Variants in LAMA2 observed in about 807,000 individuals in gnomAD.
LAMA2 encodes the protein laminin subunit alpha 2, also known as laminin subunit alpha-2.
In LAMA2, 269 loss-of-function variants were observed where a neutral mutation model predicts 364.8. The observed-to-expected ratio is 0.74, with a 90% CI of 0.67 to 0.82. The LOEUF (loss-of-function observed/expected upper bound fraction) is 0.82. Among genes scored for constraint, LAMA2 ranks in the 40% least tolerant of loss-of-function variants. The pLI is 0.00. For synonymous variants in LAMA2, 1,379 were observed against 1,370.6 expected (o/e 1.01, Z -0.14); for missense variants, 3,807 against 3,873.2 (o/e 0.98, Z 0.45).
chr6:129,180,983 T>G (rs144311518), intron 10 of LAMA2, among the ~76,000 whole-genome samples: 1,581 of 152,160 alleles, frequency 0.01, 16 homozygotes, highest in Middle Eastern at 0.034. Flanking sequence ...CTAGAAATGC[T>G]TTCAGACAGT....
At chr6:129,073,720 T>G (rs4397250) in intron 3 of LAMA2, among the ~76,000 whole-genome samples, 1 of 152,102 alleles carries the variant, frequency 6.6e-6, no homozygotes, top group South Asian at 2.1e-4. Flanking sequence ...AGAATATCCA[T>G]TTGATACTTT....
At chr6:129,186,328 G>A (rs1781230058) in intron 10 of LAMA2, among the ~76,000 whole-genome samples, 1 of 151,636 alleles carries the variant, frequency 6.6e-6, no homozygotes, top group Non-Finnish European at 1.5e-5. Flanking sequence ...CAGTCTGGAA[G>A]GTACAAAACT....
chr6:129,305,042 G>C (rs1453325061), intron 22 of LAMA2, among the ~76,000 whole-genome samples: 1 of 152,060 alleles, frequency 6.6e-6, no homozygotes, highest in East Asian at 1.9e-4. Context: ...CTATAACTTT[G>C]TCCGTTTCTT....
chr6:129,504,589 C>T (rs1335090089), intron 60 of LAMA2, among the ~76,000 whole-genome samples: 1 of 152,134 alleles, frequency 6.6e-6, no homozygotes, highest in Non-Finnish European at 1.5e-5. Context: ...AGTCTTTACA[C>T]CCCTTATTTC....
intron 12 of LAMA2, among the ~76,000 whole-genome samples, chr6:129,201,971 C>T (rs1227957541): frequency 2.0e-5 from 3 of 151,878 alleles, no homozygotes; most frequent in Admixed American, 6.6e-5. Flanking sequence ...AGGTGGATCA[C>T]GAGGTCAGGA....
intron 30 of LAMA2, among the ~76,000 whole-genome samples, chr6:129,343,350 G>A (rs930679584): frequency 2.6e-5 from 4 of 151,940 alleles, no homozygotes; most frequent in Admixed American, 1.3e-4. Context: ...CTTAATCTTC[G>A]GCTTTGTGTG....
At chr6:128,927,287 A>T (rs1281573590) in intron 1 of LAMA2, among the ~76,000 whole-genome samples, 1 of 152,182 alleles carries the variant, frequency 6.6e-6, no homozygotes, top group East Asian at 1.9e-4. Context: ...CATAACAAAA[A>T]TGTCATGAGA....
chr6:129,131,007 TAAGA>T (rs1777441197), intron 4 of LAMA2, among the ~76,000 whole-genome samples: 1 of 152,164 alleles, frequency 6.6e-6, no homozygotes. Context: ...TTCTTTTTGC[TAAGA>T]AAGAACGGTT....
chr6:129,243,434 A>G (rs572623214), intron 12 of LAMA2, among the ~76,000 whole-genome samples: 2 of 152,208 alleles, frequency 1.3e-5, no homozygotes, highest in South Asian at 2.1e-4. Context: ...AACACTGTAT[A>G]TAAATATTGT....
chr6:129,308,346 T>C (rs1447693185), intron 22 of LAMA2, among the ~76,000 whole-genome samples: 1 of 152,178 alleles, frequency 6.6e-6, no homozygotes, highest in African/African-American at 2.4e-5. Context: ...GAGTAAGCCC[T>C]AGGGAAACTT....
At chr6:129,326,122 G>A (rs1775263779) in intron 28 of LAMA2, among the ~76,000 whole-genome samples, 4 of 152,212 alleles carry the variant, frequency 2.6e-5, no homozygotes, top group Non-Finnish European at 5.9e-5. Context: ...TTACAGGCGT[G>A]AGCCACCATG....
intron 1 of LAMA2, among the ~76,000 whole-genome samples, chr6:128,992,116 G>T (rs1783645475): frequency 6.6e-6 from 1 of 152,176 alleles, no homozygotes; most frequent in Admixed American, 6.5e-5. Flanking sequence ...TTCAGTTTCA[G>T]ACATTTGTGA....
intron 9 of LAMA2, among the ~76,000 whole-genome samples, chr6:129,170,566 G>A: frequency 7.3e-6 from 1 of 137,904 alleles, no homozygotes; most frequent in Admixed American, 7.1e-5. Context: ...ATTTGCTGAG[G>A]AGAGCTTTAC....
chr6:129,255,325 G>C (rs576126668), intron 14 of LAMA2, among the ~76,000 whole-genome samples: 20 of 137,930 alleles, frequency 1.5e-4, no homozygotes, highest in Non-Finnish European at 2.9e-4. Flanking sequence ...AGAATCACTT[G>C]AACCCGGGAT....
chr6:129,419,419 CT>C (rs1201328478), intron 40 of LAMA2, among the ~76,000 whole-genome samples: 3 of 152,106 alleles, frequency 2.0e-5, no homozygotes, highest in African/African-American at 7.3e-5. Context: ...TGGTATCTAA[CT>C]TAATAGACAC....
At chr6:129,371,633 G>A (rs1479065470) in intron 34 of LAMA2, among the ~76,000 whole-genome samples, 2 of 143,656 alleles carry the variant, frequency 1.4e-5, no homozygotes, top group African/African-American at 5.1e-5. Context: ...TTGAGACAGA[G>A]TCTTGCTCTG....
chr6:129,195,472 T>C (rs968414263), intron 12 of LAMA2, among the ~76,000 whole-genome samples: 7 of 152,206 alleles, frequency 4.6e-5, no homozygotes, highest in African/African-American at 1.4e-4. Context: ...TATAAGTGTA[T>C]GTGTGGATAA....
At chr6:129,425,770 G>A (rs1229969309) in intron 40 of LAMA2, among the ~76,000 whole-genome samples, 2 of 151,894 alleles carry the variant, frequency 1.3e-5, no homozygotes, top group African/African-American at 2.4e-5. Context: ...GATTGCATTC[G>A]TTTTATGACT....
intron 1 of LAMA2, among the ~76,000 whole-genome samples, chr6:128,960,785 A>G (rs768334114): frequency 3.3e-5 from 5 of 152,112 alleles, no homozygotes; most frequent in South Asian, 2.1e-4. Context: ...TGCTTTGAGT[A>G]GTCTTTTAAA....
Sources: allele counts gnomAD v4.1 joint callset (sites outside exome capture counted in the v4.1 genomes callset), GRCh38; gene constraint gnomAD v4.1.1; transcripts MANE v1.5; gene names NCBI Gene and HGNC (gene_info 2026-07-23, HGNC 2026-07-21).